Variants in PTCHD4 observed in about 807,000 individuals in gnomAD.
PTCHD4 encodes patched domain containing 4, also known as patched domain-containing protein 4.
A neutral mutation model predicts 58.1 loss-of-function variants in PTCHD4; 33 were observed. The observed-to-expected ratio is 0.57, with a 90% CI of 0.43 to 0.76. The LOEUF (loss-of-function observed/expected upper bound fraction) is 0.76. Ranked by LOEUF, PTCHD4 falls within the 30% of genes least tolerant of loss-of-function variation. The probability of loss-of-function intolerance (pLI) is 0.00; values close to 1 mark genes in which losing one functional copy is unlikely to be tolerated. For synonymous variants in PTCHD4, 478 were observed against 409.6 expected (o/e 1.17, Z -2.02); for missense variants, 1,058 against 1,027.1 (o/e 1.03, Z -0.41).
In PTCHD4 at chr6:47,879,872, G is replaced by A; in HGVS notation, c.963C>T (p.Pro321=). 6.3e-7 allele frequency: 1 copy of A among 1,598,628 alleles called. No homozygotes were observed. The highest frequency in any genetic ancestry group is 1.1e-5 in the South Asian group (1 of 88,894). The change falls in exon 5 of 5, where the codon CCC becomes CCT. Residue 321 remains proline (P), a synonymous_variant. Transcript: ENST00000339488. ...SGWRRTKENL[P]FKDRIADAYS... The stretch of plus-strand genomic sequence containing the variant: ...AGGCATCTGCTATCCTGTCTTTGAA[G>A]GGCAAGTTCTCTTTGGTTCTCCGCC...
intron 1 of PTCHD4, among the ~76,000 whole-genome samples, chr6:48,085,865 C>T (rs1765253770): frequency 6.6e-6 from 1 of 151,990 alleles, no homozygotes; most frequent in African/African-American, 2.4e-5. Flanking sequence ...CTGGTAATGG[C>T]AATATTTTAT....
rs1469228880 is a variant in PTCHD4, at chr6:47,870,837, A to G, written c.*7466T>C. Among the ~76,000 whole-genome samples, 1 of 151,508 alleles carries G rather than the reference A, an allele frequency of 6.6e-6. No individual in the cohort carries two copies. The highest frequency in any genetic ancestry group is 1.5e-5 in the Non-Finnish European group (1 of 67,668). ...CAAGGTACAGAACTACAGAGCAGAAACCTAAAATGGCTTTGTTTGTACTAT... is the reference window on the plus strand; with the variant it reads ...CAAGGTACAGAACTACAGAGCAGAAGCCTAAAATGGCTTTGTTTGTACTAT... On this transcript the variant is annotated 3_prime_UTR_variant, in exon 5 of 5. Coordinates refer to ENST00000339488, the MANE Select transcript of PTCHD4 (RefSeq NM_001384253.1).
At chr6:47,892,575 C>G (rs569022766) in intron 4 of PTCHD4, among the ~76,000 whole-genome samples, 7 of 152,258 alleles carry the variant, frequency 4.6e-5, no homozygotes, top group East Asian at 1.9e-4. Context: ...TGGATGCTGA[C>G]TTAGGATTTT....
intron 1 of PTCHD4, among the ~76,000 whole-genome samples, chr6:48,092,123 C>T (rs1189831654): frequency 6.6e-6 from 1 of 152,104 alleles, no homozygotes; most frequent in Non-Finnish European, 1.5e-5. Flanking sequence ...GTTCATCTAC[C>T]CTGAACAAAA....
intron 1 of PTCHD4, among the ~76,000 whole-genome samples, chr6:48,080,529 T>G (rs549763704): frequency 6.6e-6 from 1 of 152,292 alleles, no homozygotes; most frequent in Admixed American, 6.5e-5. Flanking sequence ...CATGCCTACT[T>G]CCTACATAGA....
chr6:48,068,549 A>C lies in PTCHD4; in HGVS notation c.98T>G (p.Leu33Trp), dbSNP rs1258850473. ...AAAGACCGGGTGCCGGCTCACGCAC[A>C]AACCCAGCCTGTGGCAGAACGACTG... ...GLQSFCHRLGLCVSRHPVFFL... is the reference protein window; with the variant it reads ...GLQSFCHRLGWCVSRHPVFFL... The change falls in exon 3 of 5, where the codon TTG (leucine) becomes TGG (tryptophan). Residue 33 changes from leucine to tryptophan, a missense_variant. Physicochemically the swap from Leu to Trp is moderately conservative, Grantham distance 61 (BLOSUM62 -2). Transcript: ENST00000339488. The surrounding 1 kb of genome is among the most constrained non-coding windows in gnomAD (Gnocchi z 4.2). The C allele has an allele frequency of 1.5e-5, 24 of 1,604,786 alleles. No individual in the cohort carries two copies. The highest frequency in any genetic ancestry group is 2.0e-5 in the Non-Finnish European group (24 of 1,177,626).
chr6:47,920,483 T>A (rs369786233), intron 4 of PTCHD4, among the ~76,000 whole-genome samples: 2 of 152,152 alleles, frequency 1.3e-5, no homozygotes, highest in African/African-American at 4.8e-5. Flanking sequence ...TTCCATCAAA[T>A]GAAAATGTTG....
At chr6:47,922,656 G>GC (rs1765473011) in intron 4 of PTCHD4, among the ~76,000 whole-genome samples, 1 of 152,186 alleles carries the variant, frequency 6.6e-6, no homozygotes, top group Admixed American at 6.5e-5. Context: ...TTGGCGGGGT[G>GC]CCCTTGTTCA....
chr6:48,108,368 C>T lies in PTCHD4; in HGVS notation c.-970+2681G>A, dbSNP rs546541762. 2.9e-3 allele frequency among the ~76,000 whole-genome samples: 443 copies of T among 152,036 alleles called. 4 individuals are homozygous for T. Among genetic ancestry groups the T allele is most frequent in the African/African-American group, 9.1e-3 (378 of 41,456 alleles). ...TCGCAAGGACAAAAAAACCAAACACCGCATGTTCTCACTCATAGGTGGGAA... is the reference window on the plus strand; with the variant it reads ...TCGCAAGGACAAAAAAACCAAACACTGCATGTTCTCACTCATAGGTGGGAA... On this transcript the variant is annotated intron_variant, in intron 1 of 4. Coordinates refer to ENST00000339488, the MANE Select transcript of PTCHD4 (RefSeq NM_001384253.1).
intron 4 of PTCHD4, among the ~76,000 whole-genome samples, chr6:47,882,745 T>G (rs1032710194): frequency 2.8e-5 from 4 of 144,846 alleles, no homozygotes; most frequent in African/African-American, 7.5e-5. Flanking sequence ...TCCAGTGATA[T>G]ATATATATAT....
intron 3 of PTCHD4, among the ~76,000 whole-genome samples, chr6:48,022,196 C>T (rs1763095379): frequency 6.6e-6 from 1 of 151,416 alleles, no homozygotes; most frequent in Non-Finnish European, 1.5e-5. Flanking sequence ...TTCCCCTCTC[C>T]CTCCCTTTAT....
intron 4 of PTCHD4, among the ~76,000 whole-genome samples, chr6:47,883,360 A>G (rs1764080903): frequency 6.6e-6 from 1 of 152,170 alleles, no homozygotes; most frequent in Non-Finnish European, 1.5e-5. Context: ...CTAAAAATAA[A>G]GAAGCAAGAG....
intron 4 of PTCHD4, among the ~76,000 whole-genome samples, chr6:47,961,991 A>C (rs1469501518): frequency 6.6e-6 from 1 of 152,128 alleles, no homozygotes; most frequent in Non-Finnish European, 1.5e-5. Context: ...GTTCTTTGAG[A>C]AGACAGAAAA....
intron 4 of PTCHD4, among the ~76,000 whole-genome samples, chr6:47,946,972 G>A (rs1163192593): frequency 6.6e-6 from 1 of 151,828 alleles, no homozygotes; most frequent in Non-Finnish European, 1.5e-5. Flanking sequence ...GCCCCCTGAG[G>A]CCTACAGGTG....
Position 47,879,678 on chromosome 6 carries a change from C to G in PTCHD4, c.1157G>C (p.Cys386Ser). The G allele has an allele frequency of 6.2e-7, 1 of 1,613,548 alleles. No individual in the cohort carries two copies. The highest frequency in any genetic ancestry group is 8.5e-7 in the Non-Finnish European group (1 of 1,179,724). The change falls in exon 5 of 5, where the codon TGT becomes TCT. Residue 386 changes from cysteine (C) to serine (S), a missense_variant. Cys to Ser is a moderately radical substitution (Grantham distance 112). Transcript: ENST00000339488. ...CTCTAGTTGGCCAGCAAAGACCAGACAGGAGCCAAAGAAGGAGAAAATGTA... is the reference window on the plus strand; with the variant it reads ...CTCTAGTTGGCCAGCAAAGACCAGAGAGGAGCCAAAGAAGGAGAAAATGTA... ...YFYIFSFFGS[C>S]LVFAGQLEQN...
intron 3 of PTCHD4, among the ~76,000 whole-genome samples, chr6:48,067,034 A>G (rs1464823030): frequency 6.6e-6 from 1 of 152,106 alleles, no homozygotes; most frequent in Non-Finnish European, 1.5e-5. Context: ...ATGCACACAC[A>G]TATCTTCACA....
chr6:48,086,316 C>A (rs1765262601), intron 1 of PTCHD4, among the ~76,000 whole-genome samples: 1 of 152,078 alleles, frequency 6.6e-6, no homozygotes, highest in Non-Finnish European at 1.5e-5. Flanking sequence ...TATATTCTTA[C>A]CTTGACAATT....
At chr6:48,055,111 A>G (rs1327320328) in intron 3 of PTCHD4, among the ~76,000 whole-genome samples, 1 of 152,208 alleles carries the variant, frequency 6.6e-6, no homozygotes, top group Non-Finnish European at 1.5e-5. Context: ...AATTTTAAAG[A>G]CAGACTCGAT....
intron 4 of PTCHD4, among the ~76,000 whole-genome samples, chr6:47,949,384 G>C (rs1158547256): frequency 6.6e-6 from 1 of 152,186 alleles, no homozygotes; most frequent in Non-Finnish European, 1.5e-5. Context: ...AAGGGTCTTT[G>C]TGGCTTTGAT....
Sources: allele counts gnomAD v4.1 joint callset (sites outside exome capture counted in the v4.1 genomes callset), GRCh38; gene constraint gnomAD v4.1.1; non-coding constraint Gnocchi (gnomAD v3.1); transcripts MANE v1.5; gene names NCBI Gene and HGNC (gene_info 2026-07-23, HGNC 2026-07-21).